PDGFB: variants seen among roughly 807,000 people sequenced by gnomAD.
PDGFB encodes platelet-derived growth factor subunit B.
In PDGFB, 6 loss-of-function variants were observed where a neutral mutation model predicts 29.0. That is an observed-to-expected ratio of 0.21 (90% CI 0.11 to 0.41). The LOEUF is 0.41. Among genes scored for constraint, PDGFB ranks in the 10% least tolerant of loss-of-function variants. The pLI, the probability that PDGFB is intolerant of heterozygous loss-of-function variation, is 1.00. For missense variants in PDGFB, 299 were observed against 341.8 expected (o/e 0.87, Z 0.99); for synonymous variants, 144 against 140.8 (o/e 1.02, Z -0.16).
intron 5 of PDGFB, among the ~76,000 whole-genome samples, chr22:39,228,898 A>ATATATG (rs1179600350): frequency 6.8e-6 from 1 of 148,038 alleles, no homozygotes; most frequent in African/African-American, 2.5e-5. Context: ...AAAAAAATAT[A>ATATATG]TATATATATA....
chr22:39,225,932 C>G, intron 5 of PDGFB, 85 bp from the exon 6 acceptor site: 1 of 1,476,806 alleles, frequency 6.8e-7, no homozygotes, highest in Non-Finnish European at 9.1e-7. Context: ...CATGGACCTT[C>G]TGGGCTCAGG....
intron 5 of PDGFB, among the ~76,000 whole-genome samples, chr22:39,226,934 C>A (rs4990918): frequency 0.37 from 56,563 of 152,084 alleles, 11,048 homozygotes; most frequent in Middle Eastern, 0.49. Context: ...AGTCACTTAA[C>A]TGCCCTGTGC....
At chr22:39,232,870 G>T (rs1601598440) in intron 3 of PDGFB, among the ~76,000 whole-genome samples, 1 of 152,310 alleles carries the variant, frequency 6.6e-6, no homozygotes, top group East Asian at 1.9e-4. Flanking sequence ...GAGGAGGAGG[G>T]GTTTGAGTGG....
chr22:39,235,243 A>T (rs1932413475), intron 2 of PDGFB, among the ~76,000 whole-genome samples: 1 of 152,152 alleles, frequency 6.6e-6, no homozygotes. Flanking sequence ...AATAGAATGG[A>T]ATTTGCTCTG....
At chr22:39,232,140 C>T (rs1486646315) in intron 3 of PDGFB, among the ~76,000 whole-genome samples, 1 of 152,252 alleles carries the variant, frequency 6.6e-6, no homozygotes, top group Non-Finnish European at 1.5e-5. Context: ...CCTCTGCTGG[C>T]ACATGACTAT....
At chr22:39,240,031 A>G (rs2146452884) in intron 1 of PDGFB, among the ~76,000 whole-genome samples, 1 of 152,310 alleles carries the variant, frequency 6.6e-6, no homozygotes, top group East Asian at 1.9e-4. Context: ...AAAGCCAACC[A>G]ACCCCTTTGA....
rs1932559333 is a variant in PDGFB at position 39,241,094 on chromosome 22, G to A, written c.63+2807C>T. On this transcript the variant is annotated intron_variant, in intron 1 of 6. Transcript: ENST00000331163. ...AGCCAGAGGAAGCTGGATGGCAAAG[G>A]GCAGTGGGGCCCTTCACTCTTTCCC... 7 of 610,362 alleles carry A rather than the reference G, an allele frequency of 1.1e-5. No homozygotes were observed. In the South Asian group the frequency reaches 1.4e-4, roughly 12 times the overall value. 37.8% of individuals were successfully genotyped at this position (610,362 alleles called of 1,614,324 possible). A position where few individuals can be genotyped will look rare whatever the true frequency, so the allele number is the denominator to read the frequency against.
intron 3 of PDGFB, among the ~76,000 whole-genome samples, chr22:39,233,029 C>A (rs1040483827): frequency 1.3e-5 from 2 of 152,202 alleles, no homozygotes. Context: ...ATACCCATAG[C>A]CCATCAGGGA....
intron 4 of PDGFB, among the ~76,000 whole-genome samples, chr22:39,230,591 TG>T (rs1267160132): frequency 6.6e-6 from 1 of 151,214 alleles, no homozygotes. Context: ...TGGAAGGAAG[TG>T]GGGGGAGGCT....
Position 39,225,697 on chromosome 22 carries a change from G to T in PDGFB, c.*26C>A, listed in dbSNP as rs780878814. 6.2e-6 allele frequency: 10 copies of T among 1,609,206 alleles called. No homozygotes were observed. The Admixed American group carries it at 1.7e-4, about 27-fold the overall frequency. ...CAGTTGCCCCGCCTGGCCCTCACCT[G>T]CCCACACACTCTCCTGCCGATGCCC... On this transcript the variant is annotated splice_region_variant and 3_prime_UTR_variant, in exon 6 of 7. Coordinates refer to ENST00000331163, the MANE Select transcript of PDGFB (RefSeq NM_002608.4).
chr22:39,236,424 G>C (rs761190321), intron 1 of PDGFB, among the ~76,000 whole-genome samples: 3 of 152,212 alleles, frequency 2.0e-5, no homozygotes, highest in Non-Finnish European at 4.4e-5. Context: ...GGCCTCAGGA[G>C]GCCCCAGGTC....
intron 1 of PDGFB, chr22:39,240,942 C>T (rs1932556183): frequency 1.7e-4 from 13 of 75,876 alleles, no homozygotes; most frequent in Non-Finnish European, 1.9e-4. Context: ...CACACACACA[C>T]TCTCTCTCTC....
At position 39,225,762 on chromosome 22, in the gene PDGFB, C is replaced by T. The variant is rs540617361; in HGVS notation, c.687G>A (p.Thr229=). Residue 229 remains threonine (T), a synonymous_variant, in exon 6 of 7, where the codon ACG becomes ACA. Transcript: ENST00000331163. ...PKGKHRKFKH[T]HDKTALKETL... ...TCTCCTTCAGTGCCGTCTTGTCATG[C>T]GTGTGCTTGAATTTCCGGTGCTTGC... 7.4e-6 allele frequency: 12 copies of T among 1,614,170 alleles called. No individual in the cohort carries two copies. Among genetic ancestry groups the T allele is most frequent in the East Asian group, 2.2e-5 (1 of 44,886 alleles).
At chr22:39,241,201 C>A (rs1358819960) in intron 1 of PDGFB, 5 of 485,272 alleles carry the variant, frequency 1.0e-5, no homozygotes, top group African/African-American at 1.9e-5. Flanking sequence ...GTGGAGATGG[C>A]ACCTCAGAGG....
Position 39,231,392 on chromosome 22 carries a change from G to C in PDGFB, c.456+230C>G, listed in dbSNP as rs914564933. Among the ~76,000 whole-genome samples, 15 of 152,218 alleles carry C rather than the reference G, an allele frequency of 9.9e-5. No homozygotes were observed. The highest frequency in any genetic ancestry group is 9.8e-4 in the Admixed American group (15 of 15,294). ...CCGGGGGGTCTGTCTGTGGCTTTTG[G>C]CTACAGTGGCCTGAGCCACCTCAGA... On this transcript the variant is annotated intron_variant, in intron 4 of 6. Coordinates refer to ENST00000331163, the MANE Select transcript of PDGFB (RefSeq NM_002608.4). The surrounding 1 kb of genome is among the most constrained non-coding windows in gnomAD (Gnocchi z 4.3).
At position 39,242,414 on chromosome 22, in the gene PDGFB, G is replaced by A; in HGVS notation, c.63+1487C>T. ...GCCCCCAGGTCCCACGGCGAGGCGA[G>A]GCGGCAGCTGGGGCCGGCCGGCCAC... On this transcript the variant is annotated intron_variant, in intron 1 of 6. Coordinates refer to ENST00000331163, the MANE Select transcript of PDGFB (RefSeq NM_002608.4). This position sits in a 1 kb window ranked among gnomAD's most constrained non-coding sequence, Gnocchi z 5.7. 4.9e-6 allele frequency: 1 copy of A among 202,192 alleles called. No homozygotes were observed. The highest frequency in any genetic ancestry group is 1.0e-5 in the Non-Finnish European group (1 of 98,638). The allele number at this position is 202,192 out of a possible 1,614,324, so 12.5% of individuals were successfully genotyped here. A position where few individuals can be genotyped will look rare whatever the true frequency, so the allele number is the denominator to read the frequency against.
intron 1 of PDGFB, among the ~76,000 whole-genome samples, chr22:39,237,026 C>T (rs1479590903): frequency 1.3e-5 from 2 of 152,144 alleles, no homozygotes; most frequent in Non-Finnish European, 2.9e-5. Context: ...TTGGTTCGCT[C>T]CACATTCCCG....
In PDGFB at chr22:39,242,423, T is replaced by TG. The variant is rs895611765; in HGVS notation, c.63+1477dup. The TG allele has an allele frequency of 5.0e-6, 1 of 199,790 alleles. No homozygotes were observed. Among genetic ancestry groups the TG allele is most frequent in the African/African-American group, 2.3e-5 (1 of 43,240 alleles). 12.4% of individuals were successfully genotyped at this position (199,790 alleles called of 1,614,324 possible). ...TCCCACGGCGAGGCGAGGCGGCAGC[T>TG]GGGGCCGGCCGGCCACCCCCTCCCC... On this transcript the variant is annotated intron_variant, in intron 1 of 6. Coordinates refer to ENST00000331163, the MANE Select transcript of PDGFB (RefSeq NM_002608.4). This position sits in a 1 kb window ranked among gnomAD's most constrained non-coding sequence, Gnocchi z 5.7.
chr22:39,238,381 C>T (rs563146135), intron 1 of PDGFB, among the ~76,000 whole-genome samples: 3 of 151,938 alleles, frequency 2.0e-5, no homozygotes, highest in East Asian at 1.9e-4. Flanking sequence ...GCAGGGAGAC[C>T]GTCCCTGAAG....
Sources: allele counts gnomAD v4.1 joint callset (sites outside exome capture counted in the v4.1 genomes callset), GRCh38; gene constraint gnomAD v4.1.1; non-coding constraint Gnocchi (gnomAD v3.1); transcripts MANE v1.5; gene names NCBI Gene and HGNC (gene_info 2026-07-23, HGNC 2026-07-21).